The following MPC2 variants were observed in gnomAD, a reference collection of about 807,000 sequenced individuals.
The protein encoded by MPC2 is brain protein 44.
Under a neutral mutation model 19.2 loss-of-function variants are expected in MPC2, and 19 were observed. That is an observed-to-expected ratio of 0.99 (90% CI 0.69 to 1.45). MPC2 has a LOEUF of 1.45. Ranked by LOEUF, MPC2 falls within the 40% of genes most tolerant of loss-of-function variation. The probability of loss-of-function intolerance (pLI) is 0.00; values close to 1 mark genes in which losing one functional copy is unlikely to be tolerated. For missense variants in MPC2, 122 were observed against 153.0 expected (o/e 0.80, Z 1.07); for synonymous variants, 61 against 54.3 (o/e 1.12, Z -0.54).
chr1:167,928,790 C>CT (rs1427627370), intron 2 of MPC2, among the ~76,000 whole-genome samples: 1 of 152,084 alleles, frequency 6.6e-6, no homozygotes, highest in East Asian at 1.9e-4. Context: ...GAAGTATAAA[C>CT]TAACAGATAC....
chr1:167,928,463 C>G (rs1161695449), intron 2 of MPC2, among the ~76,000 whole-genome samples: 1 of 151,822 alleles, frequency 6.6e-6, no homozygotes, highest in African/African-American at 2.4e-5. Context: ...TAAAGCTAGA[C>G]AGGTAAATTT....
At chr1:167,931,794 A>C (rs1670919430) in intron 2 of MPC2, among the ~76,000 whole-genome samples, 1 of 152,182 alleles carries the variant, frequency 6.6e-6, no homozygotes. Flanking sequence ...ATTGAATATA[A>C]AATTTTTATG....
In MPC2 at chr1:167,923,700, T is replaced by TA. The variant is rs201133573; in HGVS notation, c.150+796dup. ...AAGTTTTATATGTATTTTACCACAT[T>TA]AAAAAAAAAAAAGCCTACAGACCAG... On this transcript the variant is annotated intron_variant, in intron 3 of 5. Transcript: ENST00000271373. Among the ~76,000 whole-genome samples, 394 of 141,606 alleles carry TA rather than the reference T, an allele frequency of 2.8e-3. 2 individuals are homozygous for TA. Among genetic ancestry groups the TA allele is most frequent in the Middle Eastern group, 7.2e-3 (2 of 278 alleles). 92.9% of individuals were successfully genotyped at this position (141,606 alleles called of 152,430 possible).
chr1:167,925,472 TATAC>T (rs1319050908), intron 2 of MPC2, among the ~76,000 whole-genome samples: 2,977 of 101,634 alleles, frequency 0.029, 38 homozygotes, highest in Non-Finnish European at 0.036. Context: ...TATATATATA[TATAC>T]ATATACATAT....
chr1:167,919,784 C>A (rs1054523447), intron 5 of MPC2, among the ~76,000 whole-genome samples, 195 bp downstream of exon 5: 1 of 151,742 alleles, frequency 6.6e-6, no homozygotes, highest in African/African-American at 2.4e-5. Flanking sequence ...ATTTGTAAAC[C>A]CCTAGACTTT....
chr1:167,922,560 T>G (rs1670628506), intron 3 of MPC2, among the ~76,000 whole-genome samples: 1 of 152,132 alleles, frequency 6.6e-6, no homozygotes, highest in African/African-American at 2.4e-5. Context: ...TCCATTAGTA[T>G]AGGGGGTTTT....
At chr1:167,927,080 C>G (rs1331731861) in intron 2 of MPC2, among the ~76,000 whole-genome samples, 4 of 152,176 alleles carry the variant, frequency 2.6e-5, no homozygotes, top group Admixed American at 2.6e-4. Flanking sequence ...GCCAACAGAA[C>G]TGAATTGGAT....
intron 1 of MPC2, chr1:167,936,546 C>A (rs1186441042): frequency 7.2e-6 from 2 of 276,184 alleles, no homozygotes; most frequent in Non-Finnish European, 7.0e-6. Flanking sequence ...CCTCAGTCCC[C>A]AGGGTGGTCG....
chr1:167,936,314 A>G (rs2102574311), intron 1 of MPC2: 2 of 191,864 alleles, frequency 1.0e-5, no homozygotes, highest in Admixed American at 5.6e-5. Context: ...TTTCACTTTG[A>G]TTAAGCAGGC....
chr1:167,932,297 A>G (rs1420102361), intron 2 of MPC2, among the ~76,000 whole-genome samples: 1 of 152,130 alleles, frequency 6.6e-6, no homozygotes, highest in African/African-American at 2.4e-5. Context: ...AATTACTGCA[A>G]TAATATATTT....
intron 2 of MPC2, among the ~76,000 whole-genome samples, chr1:167,931,932 C>G (rs1045589906): frequency 3.9e-5 from 6 of 151,978 alleles, no homozygotes; most frequent in Non-Finnish European, 7.4e-5. Flanking sequence ...AAATATTATT[C>G]TTATTTAGAC....
Position 167,918,150 on chromosome 1 carries a change from T to C in MPC2, c.*173A>G, listed in dbSNP as rs982346135. The C allele has an allele frequency of 5.0e-5, 27 of 544,354 alleles. No homozygotes were observed. The highest frequency in any genetic ancestry group is 4.4e-4 in the African/African-American group (23 of 52,008). The allele number at this position is 544,354 out of a possible 1,614,324, so 33.7% of individuals were successfully genotyped here. Reference sequence around the variant, plus strand: ...CCATAGATAAGTTCCTTAAGTCATGTAGAGAGACTGTTATTAAAAGTTTGC... The same window carrying C: ...CCATAGATAAGTTCCTTAAGTCATGCAGAGAGACTGTTATTAAAAGTTTGC... On this transcript the variant is annotated 3_prime_UTR_variant, in exon 6 of 6. Coordinates refer to ENST00000271373, the MANE Select transcript of MPC2 (RefSeq NM_001143674.4).
Position 167,925,464 on chromosome 1 carries a change from TATATATATATAC to T in MPC2, c.110-939_110-928del, listed in dbSNP as rs57451588. 5.0e-3 allele frequency among the ~76,000 whole-genome samples: 588 copies of T among 116,602 alleles called. 7 individuals are homozygous for T. The highest frequency in any genetic ancestry group is 0.022 in the African/African-American group (542 of 24,752). The allele number at this position is 116,602 out of a possible 152,430, so 76.5% of individuals were successfully genotyped here. A position where few individuals can be genotyped will look rare whatever the true frequency, so the allele number is the denominator to read the frequency against. The stretch of plus-strand genomic sequence containing the variant: ...ACACATATATATATATATATATATA[TATATATATATAC>T]ATATACATATACACACACATATATA... On this transcript the variant is annotated intron_variant, in intron 2 of 5. Transcript: ENST00000271373.
intron 3 of MPC2, among the ~76,000 whole-genome samples, chr1:167,922,828 C>T (rs1029383243): frequency 3.3e-5 from 5 of 152,222 alleles, no homozygotes; most frequent in Admixed American, 6.5e-5. Context: ...AAGAGAATTA[C>T]AACAGCCCAT....
intron 2 of MPC2, among the ~76,000 whole-genome samples, chr1:167,926,113 AT>A (rs1402420171): frequency 6.6e-6 from 1 of 152,234 alleles, no homozygotes; most frequent in East Asian, 1.9e-4. Flanking sequence ...GCCCATTATA[AT>A]GTTAAACTTT....
At chr1:167,930,832 C>T (rs889485819) in intron 2 of MPC2, among the ~76,000 whole-genome samples, 1 of 152,216 alleles carries the variant, frequency 6.6e-6, no homozygotes, top group Non-Finnish European at 1.5e-5. Context: ...CTATTTATAG[C>T]TTAGGGCTTT....
Position 167,918,350 on chromosome 1 carries a change from T to C in MPC2, c.357A>G (p.Gln119=), listed in dbSNP as rs1670517698. 6.4e-7 allele frequency: 1 copy of C among 1,555,878 alleles called. No homozygotes were observed. Among genetic ancestry groups the C allele is most frequent in the African/African-American group, 1.4e-5 (1 of 73,336 alleles). ...ATTTGTGTGCTTTAGCTTTTAGTTC[T>C]TGGTTATATCTATAAAGAAAACAGA... ...SQLFRIWRYN[Q]ELKAKAHK The change falls in exon 6 of 6, where the codon CAA becomes CAG. Residue 119 remains glutamine (Q), a synonymous_variant. Coordinates refer to ENST00000271373, the MANE Select transcript of MPC2 (RefSeq NM_001143674.4).
At position 167,935,759 on chromosome 1, in the gene MPC2, A is replaced by C; in HGVS notation, c.83T>G (p.Leu28Trp). The change falls in exon 2 of 6, where the codon TTG (leucine) becomes TGG (tryptophan). Residue 28 changes from leucine (L) to tryptophan (W), a missense_variant. Physicochemically the swap from Leu to Trp is moderately conservative, Grantham distance 61 (BLOSUM62 -2). Coordinates refer to ENST00000271373, the MANE Select transcript of MPC2 (RefSeq NM_001143674.4). ...DKVELMLPEK[L>W]RPLYNHPAGP... is the part of the protein sequence containing the mutation. ...TGCTGGATGGTTGTACAACGGCCTC[A>C]ATTTCTCGGGCAGCATCAGCTCCAC... The C allele has an allele frequency of 6.4e-7, 1 of 1,565,094 alleles. No individual in the cohort carries two copies. Among genetic ancestry groups the C allele is most frequent in the Non-Finnish European group, 8.7e-7 (1 of 1,154,410 alleles).
At chr1:167,931,212 G>A (rs939784565) in intron 2 of MPC2, among the ~76,000 whole-genome samples, 1 of 152,206 alleles carries the variant, frequency 6.6e-6, no homozygotes, top group African/African-American at 2.4e-5. Context: ...GATTACAGGT[G>A]TGAGCTACCG....
Sources: allele counts gnomAD v4.1 joint callset (sites outside exome capture counted in the v4.1 genomes callset), GRCh38; gene constraint gnomAD v4.1.1; transcripts MANE v1.5; gene names NCBI Gene and HGNC (gene_info 2026-07-23, HGNC 2026-07-21).